The following BRIP1 variants were observed in gnomAD, a reference collection of about 807,000 sequenced individuals.
BRIP1 encodes BRCA1 interacting DNA helicase 1, also known as Fanconi anemia group J protein.
In BRIP1, 88 loss-of-function variants were observed where a neutral mutation model predicts 119.7. The ratio of observed to expected loss-of-function variants is 0.74; its 90% CI spans 0.62 to 0.88. The LOEUF (loss-of-function observed/expected upper bound fraction) is 0.88. BRIP1 is among the 40% of genes least tolerant of loss of function. The probability of loss-of-function intolerance (pLI) is 0.00; values close to 1 mark genes in which losing one functional copy is unlikely to be tolerated. For synonymous variants in BRIP1, 443 were observed against 496.5 expected (o/e 0.89, Z 1.43); for missense variants, 1,259 against 1,455.4 (o/e 0.87, Z 2.20).
At position 61,831,938 on chromosome 17, in the gene BRIP1, A is replaced by G. The variant is rs2078498853; in HGVS notation, c.627+15163T>C. Reference sequence around the variant, plus strand: ...GTACAGACAGACAGATACAGAAAAAATATAGACATAAATGTATATGTCTAT... The same window carrying G: ...GTACAGACAGACAGATACAGAAAAAGTATAGACATAAATGTATATGTCTAT... On this transcript the variant is annotated intron_variant, in intron 6 of 19. Coordinates refer to ENST00000259008, the MANE Select transcript of BRIP1 (RefSeq NM_032043.3). This position sits in a 1 kb window ranked among gnomAD's most constrained non-coding sequence, Gnocchi z 4.1. Among the ~76,000 whole-genome samples the G allele has an allele frequency of 6.6e-6, 1 of 152,196 alleles. No homozygotes were observed. Among genetic ancestry groups the G allele is most frequent in the East Asian group, 1.9e-4 (1 of 5,204 alleles).
rs1325897503 is a variant in BRIP1 at position 61,776,767 on chromosome 17, T to A, written c.1936-205A>T. On this transcript the variant is annotated intron_variant, in intron 13 of 19. Coordinates refer to ENST00000259008, the MANE Select transcript of BRIP1 (RefSeq NM_032043.3). This position sits in a 1 kb window ranked among gnomAD's most constrained non-coding sequence, Gnocchi z 5.0. ...GCTTTAGGCAGATCACTAAATTCTC[T>A]TAGAGTGAAAATTCTTTGAAAGCAA... Among the ~76,000 whole-genome samples the A allele has an allele frequency of 1.3e-5, 2 of 152,240 alleles. No individual in the cohort carries two copies. Among genetic ancestry groups the A allele is most frequent in the Non-Finnish European group, 2.9e-5 (2 of 68,040 alleles).
rs1428730008 is a variant in BRIP1 at position 61,847,085 on chromosome 17, T to C, written c.627+16A>G. ...ATCTTCCTTCTTTAAAACTGAACAA[T>C]GGCATTAATACATACTTTCTGTGGC... On this transcript the variant is annotated intron_variant, in intron 6 of 19. Transcript: ENST00000259008. 2 of 1,613,426 alleles carry C rather than the reference T, an allele frequency of 1.2e-6. No individual in the cohort carries two copies. Among genetic ancestry groups the C allele is most frequent in the Non-Finnish European group, 1.7e-6 (2 of 1,179,660 alleles).
chr17:61,730,790 G>T lies in BRIP1; in HGVS notation c.2379+12223C>A, dbSNP rs1310457123. 1.3e-5 allele frequency among the ~76,000 whole-genome samples: 2 copies of T among 151,934 alleles called. No individual in the cohort carries two copies. The highest frequency in any genetic ancestry group is 2.9e-5 in the Non-Finnish European group (2 of 67,990). On this transcript the variant is annotated intron_variant, in intron 16 of 19. Transcript: ENST00000259008. The surrounding 1 kb of genome is among the most constrained non-coding windows in gnomAD (Gnocchi z 4.3). ...ATCAACCGAACTTGCTTAAAATTTT[G>T]GGATTTTAAATATTTCCATCCTTGA...
rs2076772284 is a variant in BRIP1, at chr17:61,726,894, A to T, written c.2380-10831T>A. Among the ~76,000 whole-genome samples the T allele has an allele frequency of 6.6e-6, 1 of 152,208 alleles. No individual in the cohort carries two copies. The highest frequency in any genetic ancestry group is 6.5e-5 in the Admixed American group (1 of 15,278). On this transcript the variant is annotated intron_variant, in intron 16 of 19. Coordinates refer to ENST00000259008, the MANE Select transcript of BRIP1 (RefSeq NM_032043.3). The surrounding 1 kb of genome is among the most constrained non-coding windows in gnomAD (Gnocchi z 6.2). ...ACCATATTAGTCTAAATATTATTTTATTCAAATATCTTACAATCTAGAGTT... is the reference window on the plus strand; with the variant it reads ...ACCATATTAGTCTAAATATTATTTTTTTCAAATATCTTACAATCTAGAGTT...
At position 61,780,218 on chromosome 17, in the gene BRIP1, T is replaced by A; in HGVS notation, c.1935+43A>T. 1 of 1,575,500 alleles carries A rather than the reference T, an allele frequency of 6.3e-7. No individual in the cohort carries two copies. The highest frequency in any genetic ancestry group is 8.7e-7 in the Non-Finnish European group (1 of 1,149,500). Reference sequence around the variant, plus strand: ...ACTTGTTTACATAGTTATATTGAAGTAGAAACACTGAAGGCCTTCCAAAAA... The same window carrying A: ...ACTTGTTTACATAGTTATATTGAAGAAGAAACACTGAAGGCCTTCCAAAAA... On this transcript the variant is annotated intron_variant, in intron 13 of 19. Coordinates refer to ENST00000259008, the MANE Select transcript of BRIP1 (RefSeq NM_032043.3). The surrounding 1 kb of genome is among the most constrained non-coding windows in gnomAD (Gnocchi z 5.4).
In BRIP1 at chr17:61,793,801, T is replaced by C; in HGVS notation, c.1341-72A>G. ...ACACTATTTCAGCAGAACAAGAGAATCATCATTATTGTCATGCGTTGATCT... is the reference window on the plus strand; with the variant it reads ...ACACTATTTCAGCAGAACAAGAGAACCATCATTATTGTCATGCGTTGATCT... On this transcript the variant is annotated intron_variant, in intron 9 of 19. Transcript: ENST00000259008. This position sits in a 1 kb window ranked among gnomAD's most constrained non-coding sequence, Gnocchi z 5.2. 1 of 1,479,252 alleles carries C rather than the reference T, an allele frequency of 6.8e-7. No homozygotes were observed. The highest frequency in any genetic ancestry group is 1.4e-5 in the African/African-American group (1 of 72,254). 91.6% of individuals were successfully genotyped at this position (1,479,252 alleles called of 1,614,324 possible).
rs1308372015 is a variant in BRIP1 at position 61,789,707 on chromosome 17, T to C, written c.1473+3890A>G. 6.6e-6 allele frequency among the ~76,000 whole-genome samples: 1 copy of C among 152,170 alleles called. No homozygotes were observed. The highest frequency in any genetic ancestry group is 1.9e-4 in the East Asian group (1 of 5,200). On this transcript the variant is annotated intron_variant, in intron 10 of 19. Coordinates refer to ENST00000259008, the MANE Select transcript of BRIP1 (RefSeq NM_032043.3). The surrounding 1 kb of genome is among the most constrained non-coding windows in gnomAD (Gnocchi z 4.8). ...AATGCTACACCGCAATTAAAAATTA[T>C]GTGAAGGAATCTTTACTTAAATAGG... is the stretch of plus-strand genomic sequence containing the variant.
rs2077048017 is a variant in BRIP1, at chr17:61,745,597, G to A, written c.2098-1006C>T. Reference sequence around the variant, plus strand: ...TTGCCCAGGCTAGTCTCAAACTTCTGGTCTCAAGGGATCCTCCAGACTCAG... The same window carrying A: ...TTGCCCAGGCTAGTCTCAAACTTCTAGTCTCAAGGGATCCTCCAGACTCAG... On this transcript the variant is annotated intron_variant, in intron 14 of 19. Coordinates refer to ENST00000259008, the MANE Select transcript of BRIP1 (RefSeq NM_032043.3). The surrounding 1 kb of genome is among the most constrained non-coding windows in gnomAD (Gnocchi z 4.4). 6.6e-6 allele frequency among the ~76,000 whole-genome samples: 1 copy of A among 152,088 alleles called. No homozygotes were observed. Among genetic ancestry groups the A allele is most frequent in the South Asian group, 2.1e-4 (1 of 4,828 alleles).
chr17:61,819,108 C>T (rs534759069), intron 6 of BRIP1, among the ~76,000 whole-genome samples: 133 of 151,280 alleles, frequency 8.8e-4, no homozygotes, highest in Non-Finnish European at 1.6e-3. Context: ...ATCACTTGAA[C>T]CCGGGAGGCA....
intron 6 of BRIP1, among the ~76,000 whole-genome samples, chr17:61,835,204 C>A (rs2078554120): frequency 6.6e-6 from 1 of 151,984 alleles, no homozygotes; most frequent in Non-Finnish European, 1.5e-5. Context: ...ATTATTTCCA[C>A]TAAATATTGA....
Position 61,863,323 on chromosome 17 carries a change from T to G in BRIP1, c.-70A>C, listed in dbSNP as rs2078996369. 1 of 152,106 alleles carries G rather than the reference T, an allele frequency of 6.6e-6. No individual in the cohort carries two copies. The highest frequency in any genetic ancestry group is 2.4e-5 in the African/African-American group (1 of 41,400). 9.4% of individuals were successfully genotyped at this position (152,106 alleles called of 1,614,324 possible). A position where few individuals can be genotyped will look rare whatever the true frequency, so the allele number is the denominator to read the frequency against. On this transcript the variant is annotated 5_prime_UTR_variant, in exon 1 of 20. Transcript: ENST00000259008. ...ACCGAAGCAACGCTCTGAGCTCCGATTCACTGAAGAAAAGGAAAGGAAACC... is the reference window on the plus strand; with the variant it reads ...ACCGAAGCAACGCTCTGAGCTCCGAGTCACTGAAGAAAAGGAAAGGAAACC...
At position 61,706,658 on chromosome 17, in the gene BRIP1, T is replaced by C. The variant is rs1420705382; in HGVS notation, c.2492+9293A>G. ...CGTACTGATTCTCTCCTGTGGAAGA[T>C]GTTTATTTCTCTTATACCACTGATA... On this transcript the variant is annotated intron_variant, in intron 17 of 19. Transcript: ENST00000259008. The surrounding 1 kb of genome is among the most constrained non-coding windows in gnomAD (Gnocchi z 5.7). Among the ~76,000 whole-genome samples, 1 of 152,208 alleles carries C rather than the reference T, an allele frequency of 6.6e-6. No homozygotes were observed. The highest frequency in any genetic ancestry group is 1.5e-5 in the Non-Finnish European group (1 of 68,026).
rs1177134104 is a variant in BRIP1 at position 61,799,930 on chromosome 17, G to C, written c.1141-631C>G. 6.6e-6 allele frequency among the ~76,000 whole-genome samples: 1 copy of C among 151,862 alleles called. No individual in the cohort carries two copies. The highest frequency in any genetic ancestry group is 1.5e-5 in the Non-Finnish European group (1 of 67,988). ...AAGGACATCACCACTTTCACAATGG[G>C]GGTAAGGCCCAGGATTGTCAGTTAA... On this transcript the variant is annotated intron_variant, in intron 8 of 19. Coordinates refer to ENST00000259008, the MANE Select transcript of BRIP1 (RefSeq NM_032043.3). This position sits in a 1 kb window ranked among gnomAD's most constrained non-coding sequence, Gnocchi z 5.1.
In BRIP1 at chr17:61,758,728, T is replaced by C. The variant is rs2077233135; in HGVS notation, c.2098-14137A>G. Among the ~76,000 whole-genome samples the C allele has an allele frequency of 6.6e-6, 1 of 151,974 alleles. No homozygotes were observed. The highest frequency in any genetic ancestry group is 1.5e-5 in the Non-Finnish European group (1 of 68,004). ...GGGTGGGCGTGGTCACTCATGCCTG[T>C]AATTCCAGCACTTTAGGAGGCTGAG... On this transcript the variant is annotated intron_variant, in intron 14 of 19. Coordinates refer to ENST00000259008, the MANE Select transcript of BRIP1 (RefSeq NM_032043.3). The surrounding 1 kb of genome is among the most constrained non-coding windows in gnomAD (Gnocchi z 5.3).
chr17:61,740,495 A>G lies in BRIP1; in HGVS notation c.2379+2518T>C, dbSNP rs2076972080. Among the ~76,000 whole-genome samples the G allele has an allele frequency of 6.6e-6, 1 of 152,170 alleles. No homozygotes were observed. Among genetic ancestry groups the G allele is most frequent in the African/African-American group, 2.4e-5 (1 of 41,432 alleles). On this transcript the variant is annotated intron_variant, in intron 16 of 19. Coordinates refer to ENST00000259008, the MANE Select transcript of BRIP1 (RefSeq NM_032043.3). The surrounding 1 kb of genome is among the most constrained non-coding windows in gnomAD (Gnocchi z 5.4). ...AAGTTGAAAATAAAATAAAATCTGT[A>G]TCTACTAAATTTTTCTCACTCATTC...
At position 61,768,132 on chromosome 17, in the gene BRIP1, C is replaced by G. The variant is rs76340450; in HGVS notation, c.2097+8269G>C. ...GACAGTAACTTGTTTATTTTTGAATCTTTAACAGGACTTAGTGCAGTCCTC... is the reference window on the plus strand; with the variant it reads ...GACAGTAACTTGTTTATTTTTGAATGTTTAACAGGACTTAGTGCAGTCCTC... On this transcript the variant is annotated intron_variant, in intron 14 of 19. Transcript: ENST00000259008. This position sits in a 1 kb window ranked among gnomAD's most constrained non-coding sequence, Gnocchi z 5.0. Among the ~76,000 whole-genome samples, 3,007 of 152,264 alleles carry G rather than the reference C, an allele frequency of 0.02. 55 individuals carry two copies. Among genetic ancestry groups the G allele is most frequent in the Middle Eastern group, 0.048 (14 of 294 alleles).
At position 61,738,274 on chromosome 17, in the gene BRIP1, A is replaced by T. The variant is rs1224073009; in HGVS notation, c.2379+4739T>A. ...AGTCACTAAGTTTTGGAGTTGTTACAGAAGAAGAACTGATCCAGACATATG... is the reference window on the plus strand; with the variant it reads ...AGTCACTAAGTTTTGGAGTTGTTACTGAAGAAGAACTGATCCAGACATATG... On this transcript the variant is annotated intron_variant, in intron 16 of 19. Transcript: ENST00000259008. The surrounding 1 kb of genome is among the most constrained non-coding windows in gnomAD (Gnocchi z 4.2). 3.3e-5 allele frequency among the ~76,000 whole-genome samples: 5 copies of T among 152,216 alleles called. No homozygotes were observed. The highest frequency in any genetic ancestry group is 1.3e-4 in the Admixed American group (2 of 15,280).
At position 61,680,349 on chromosome 17, in the gene BRIP1, AAAAC is replaced by A. The variant is rs1330549667; in HGVS notation, c.*2943_*2946del. ...CCTGAGCGACAGAGCAAGACTGTCT[AAAAC>A]AAACAAACAAAAACATATCTAGCTA... On this transcript the variant is annotated 3_prime_UTR_variant, in exon 20 of 20. Transcript: ENST00000259008. 2.6e-5 allele frequency among the ~76,000 whole-genome samples: 4 copies of A among 152,084 alleles called. No individual in the cohort carries two copies. Among genetic ancestry groups the A allele is most frequent in the South Asian group, 2.1e-4 (1 of 4,804 alleles).
At position 61,769,786 on chromosome 17, in the gene BRIP1, A is replaced by T. The variant is rs2077421589; in HGVS notation, c.2097+6615T>A. On this transcript the variant is annotated intron_variant, in intron 14 of 19. Transcript: ENST00000259008. The surrounding 1 kb of genome is among the most constrained non-coding windows in gnomAD (Gnocchi z 4.9). ...AAATACAGAGAATCAAGATATGCTT[A>T]CTGGGACAGCGGCCACTAAAACATA... is the stretch of plus-strand genomic sequence containing the variant. Among the ~76,000 whole-genome samples, 1 of 152,206 alleles carries T rather than the reference A, an allele frequency of 6.6e-6. No homozygotes were observed. Among genetic ancestry groups the T allele is most frequent in the Non-Finnish European group, 1.5e-5 (1 of 68,038 alleles).
Sources: gnomAD v4.1 joint callset for allele counts (sites outside exome capture counted in the v4.1 genomes callset) on GRCh38, gnomAD v4.1.1 for gene constraint, Gnocchi (gnomAD v3.1) non-coding constraint, MANE v1.5 for transcripts, NCBI Gene and HGNC (gene_info 2026-07-23, HGNC 2026-07-21) for gene names.